ATP9B: variants seen among roughly 807,000 people sequenced by gnomAD.
ATP9B encodes ATPase phospholipid transporting 9B.
ATP9B carries 110 observed loss-of-function variants against 146.1 expected under a neutral mutation model. The ratio of observed to expected loss-of-function variants is 0.75; its 90% CI spans 0.65 to 0.88. ATP9B has a LOEUF of 0.88. Among genes scored for constraint, ATP9B ranks in the 40% least tolerant of loss-of-function variants. The pLI is 0.00. For synonymous variants in ATP9B, 604 were observed against 569.7 expected (o/e 1.06, Z -0.86); for missense variants, 1,499 against 1,496.4 (o/e 1.00, Z -0.03).
At chr18:79,321,452 A>G (rs1235234177) in intron 15 of ATP9B, among the ~76,000 whole-genome samples, 1 of 150,434 alleles carries the variant, frequency 6.6e-6, no homozygotes, top group Non-Finnish European at 1.5e-5. Context: ...GCACGATCTC[A>G]GCTCACTGCA....
chr18:79,248,625 C>G (rs1371527758), intron 11 of ATP9B, among the ~76,000 whole-genome samples: 1 of 152,232 alleles, frequency 6.6e-6, no homozygotes, highest in African/African-American at 2.4e-5. Flanking sequence ...CTGTTCTTCT[C>G]TGCTAGTGCA....
chr18:79,206,859 C>A, intron 9 of ATP9B, 78 bp from the exon 10 acceptor site: 1 of 1,368,346 alleles, frequency 7.3e-7, no homozygotes, highest in Non-Finnish European at 1.0e-6. Context: ...GGACCTGTTT[C>A]TAATACTGAG....
intron 11 of ATP9B, among the ~76,000 whole-genome samples, chr18:79,217,207 C>T (rs916813286): frequency 6.6e-6 from 1 of 152,212 alleles, no homozygotes; most frequent in Non-Finnish European, 1.5e-5. Flanking sequence ...TTTTTTGAGA[C>T]AGAGTCTTGC....
At chr18:79,187,383 T>C (rs1468417694) in intron 8 of ATP9B, among the ~76,000 whole-genome samples, 2 of 152,156 alleles carry the variant, frequency 1.3e-5, no homozygotes, top group Non-Finnish European at 2.9e-5. Flanking sequence ...CAGGGGAGGT[T>C]CGGAAGGAAA....
At chr18:79,268,973 C>T (rs911274705) in intron 12 of ATP9B, among the ~76,000 whole-genome samples, 1 of 152,126 alleles carries the variant, frequency 6.6e-6, no homozygotes, top group African/African-American at 2.4e-5. Context: ...CTCTTCCAGC[C>T]GCTTTTCTAT....
chr18:79,330,150 G>C (rs2096782367), intron 17 of ATP9B, 46 bp downstream of exon 17: 3 of 1,545,242 alleles, frequency 1.9e-6, no homozygotes, highest in Non-Finnish European at 2.7e-6. Flanking sequence ...CTATGGAAGA[G>C]GAGGTATGTG....
chr18:79,205,345 A>ATGG (rs2095523851), intron 9 of ATP9B, among the ~76,000 whole-genome samples: 1 of 151,986 alleles, frequency 6.6e-6, no homozygotes, highest in East Asian at 1.9e-4. Flanking sequence ...AATGAGCAAA[A>ATGG]CGGCCAAAAT....
chr18:79,289,358 ATTCAT>A (rs1263038382), intron 13 of ATP9B, among the ~76,000 whole-genome samples: 1 of 151,848 alleles, frequency 6.6e-6, no homozygotes, highest in Non-Finnish European at 1.5e-5. Context: ...ACTTCATTTC[ATTCAT>A]TTCATCTTCC....
rs535807614 is a variant in ATP9B at position 79,225,787 on chromosome 18, T to C, written c.1107+11749T>C. ...CCACTGTCTTCAGCGTCTGAGTGAC[T>C]CTTGGGTCCCGCAGTCGCAGGGCGG... On this transcript the variant is annotated intron_variant, in intron 11 of 29. Transcript: ENST00000426216. Among the ~76,000 whole-genome samples, 5 of 130,030 alleles carry C rather than the reference T, an allele frequency of 3.8e-5. No individual in the cohort carries two copies. The South Asian group carries it at 1.2e-3, about 32-fold the overall frequency. 85.3% of individuals were successfully genotyped at this position (130,030 alleles called of 152,430 possible).
chr18:79,214,753 A>G (rs533625220), intron 11 of ATP9B, among the ~76,000 whole-genome samples: 1 of 152,230 alleles, frequency 6.6e-6, no homozygotes, highest in Non-Finnish European at 1.5e-5. Flanking sequence ...AAAAATCCTC[A>G]CATGGATTTA....
At chr18:79,350,178 G>A (rs1339687054) in intron 25 of ATP9B, among the ~76,000 whole-genome samples, 3 of 152,188 alleles carry the variant, frequency 2.0e-5, no homozygotes, top group African/African-American at 7.2e-5. Context: ...CACGTCCTTC[G>A]CCTGCACATG....
At chr18:79,114,332 G>C (rs2094026402) in intron 4 of ATP9B, among the ~76,000 whole-genome samples, 1 of 152,184 alleles carries the variant, frequency 6.6e-6, no homozygotes, top group Admixed American at 6.5e-5. Flanking sequence ...AACACAGAGA[G>C]TGAAAGGGTT....
rs760828032 is a variant in ATP9B, at chr18:79,307,206, G to C, written c.1745G>C (p.Arg582Pro). 6.2e-7 allele frequency: 1 copy of C among 1,614,182 alleles called. No homozygotes were observed. The highest frequency in any genetic ancestry group is 2.2e-5 in the East Asian group (1 of 44,888). The change falls in exon 15 of 30, where the codon CGC (arginine) becomes CCC (proline). Residue 582 changes from arginine (R) to proline (P), a missense_variant. Transcript: ENST00000426216. Reference protein sequence around the residue: ...EADQDFSDENRTYQASSPDEV... With the variant: ...EADQDFSDENPTYQASSPDEV... ...GACCAAGACTTCAGTGATGAGAATC[G>C]CACCTACCAGGCTTCCAGCCCGGAT...
At chr18:79,262,241 C>T (rs2096150494) in intron 12 of ATP9B, among the ~76,000 whole-genome samples, 1 of 151,310 alleles carries the variant, frequency 6.6e-6, no homozygotes, top group Non-Finnish European at 1.5e-5. Context: ...ATTCCCTAAA[C>T]ATTCAAGTTT....
At chr18:79,280,317 T>C (rs889569445) in intron 13 of ATP9B, among the ~76,000 whole-genome samples, 1 of 151,956 alleles carries the variant, frequency 6.6e-6, no homozygotes, top group Non-Finnish European at 1.5e-5. Context: ...AGGATCAAGC[T>C]GTAAATAAAA....
chr18:79,195,499 A>G (rs1014116058), intron 9 of ATP9B, among the ~76,000 whole-genome samples: 1 of 152,174 alleles, frequency 6.6e-6, no homozygotes, highest in Non-Finnish European at 1.5e-5. Flanking sequence ...GAAAGAAAAA[A>G]CCTCAATGCA....
chr18:79,248,109 C>T (rs1398489478), intron 11 of ATP9B, among the ~76,000 whole-genome samples: 1 of 152,162 alleles, frequency 6.6e-6, no homozygotes, highest in Non-Finnish European at 1.5e-5. Flanking sequence ...AGGCGATAAA[C>T]GATAATGGCT....
chr18:79,160,339 C>T (rs1003947443), intron 7 of ATP9B, among the ~76,000 whole-genome samples: 3 of 152,194 alleles, frequency 2.0e-5, no homozygotes, highest in Non-Finnish European at 4.4e-5. Context: ...TTTCACTAGT[C>T]TTCTCATTGC....
chr18:79,356,791 C>G (rs984932181), intron 25 of ATP9B, among the ~76,000 whole-genome samples: 1 of 151,754 alleles, frequency 6.6e-6, no homozygotes, highest in African/African-American at 2.4e-5. Flanking sequence ...AGGAGGGACC[C>G]TGTGTGAGGG....
Sources: allele counts gnomAD v4.1 joint callset (sites outside exome capture counted in the v4.1 genomes callset), GRCh38; gene constraint gnomAD v4.1.1; transcripts MANE v1.5; gene names NCBI Gene and HGNC (gene_info 2026-07-23, HGNC 2026-07-21).